Variants in GSE1 observed in about 807,000 individuals in gnomAD.
GSE1 encodes genetic suppressor element 1.
Under a neutral mutation model 112.6 loss-of-function variants are expected in GSE1, and 32 were observed. That is an observed-to-expected ratio of 0.28 (90% CI 0.21 to 0.38). The LOEUF (loss-of-function observed/expected upper bound fraction) is 0.38, where lower values mean the gene tolerates loss of function less well. Among genes scored for constraint, GSE1 ranks in the 10% least tolerant of loss-of-function variants. GSE1 has a pLI of 1.00. For missense variants in GSE1, 2,348 were observed against 1,699.2 expected (o/e 1.38, Z -6.71); for synonymous variants, 1,115 against 735.6 (o/e 1.52, Z -8.35).
At chr16:85,331,703 ATATATTTTTTTT>A (rs1309959847) in intron 1 of GSE1, among the ~76,000 whole-genome samples, 1 of 40,620 alleles carries the variant, frequency 2.5e-5, no homozygotes, top group African/African-American at 7.8e-5. Flanking sequence ...ATATATATAT[ATATATTTTTTTT>A]TTTTTTTTTT....
Position 85,675,275 on chromosome 16 carries a change from C to G in GSE1, c.*2736C>G, listed in dbSNP as rs1386069445. 1 of 152,156 alleles carries G rather than the reference C, an allele frequency of 6.6e-6. No homozygotes were observed. The highest frequency in any genetic ancestry group is 1.5e-5 in the Non-Finnish European group (1 of 68,018). The allele number at this position is 152,156 out of a possible 1,614,324, so 9.4% of individuals were successfully genotyped here. A position where few individuals can be genotyped will look rare whatever the true frequency, so the allele number is the denominator to read the frequency against. On this transcript the variant is annotated 3_prime_UTR_variant, in exon 16 of 16. Transcript: ENST00000253458. ...TCGGCTCGGTCCTTAGACCATCTTCCTACATTACCTGGAAGGGAGCTGCCA... is the reference window on the plus strand; with the variant it reads ...TCGGCTCGGTCCTTAGACCATCTTCGTACATTACCTGGAAGGGAGCTGCCA...
intron 1 of GSE1, among the ~76,000 whole-genome samples, chr16:85,204,098 A>T (rs1429949278): frequency 6.6e-6 from 1 of 152,162 alleles, no homozygotes; most frequent in African/African-American, 2.4e-5. Flanking sequence ...CCCCTAAAGG[A>T]TACCCATACC....
chr16:85,589,745 CTG>C (rs1294351860), intron 1 of GSE1, among the ~76,000 whole-genome samples: 1 of 151,650 alleles, frequency 6.6e-6, no homozygotes. Flanking sequence ...ATGTGGATGA[CTG>C]AACATGTGTG....
At chr16:85,251,266 C>G (rs144210839) in intron 1 of GSE1, among the ~76,000 whole-genome samples, 39 of 152,260 alleles carry the variant, frequency 2.6e-4, no homozygotes, top group African/African-American at 8.4e-4. Flanking sequence ...CTTTGTCCTC[C>G]CACGGATGCC....
At chr16:85,572,014 C>T (rs565683704) in intron 1 of GSE1, among the ~76,000 whole-genome samples, 35 of 151,930 alleles carry the variant, frequency 2.3e-4, no homozygotes, top group African/African-American at 7.3e-4. Context: ...GTGATGCATA[C>T]GTAGAACACA....
intron 1 of GSE1, among the ~76,000 whole-genome samples, chr16:85,205,555 C>CT (rs905788550): frequency 9.2e-5 from 14 of 151,866 alleles, no homozygotes; most frequent in South Asian, 6.2e-4. Context: ...CACTGCCTTA[C>CT]TTTTTTTTTC....
chr16:85,415,749 C>G (rs941733449), intron 2 of GSE1, among the ~76,000 whole-genome samples: 1 of 152,212 alleles, frequency 6.6e-6, no homozygotes, highest in Non-Finnish European at 1.5e-5. Context: ...TTCCCCCTGT[C>G]CTGGAGGTGC....
At chr16:85,626,781 C>A (rs939015309) in intron 1 of GSE1, among the ~76,000 whole-genome samples, 1 of 152,068 alleles carries the variant, frequency 6.6e-6, no homozygotes, top group Non-Finnish European at 1.5e-5. Context: ...CGCGGGAGGC[C>A]GGGAGGGCGG....
At chr16:85,420,523 G>T (rs2048813675) in intron 2 of GSE1, among the ~76,000 whole-genome samples, 1 of 152,146 alleles carries the variant, frequency 6.6e-6, no homozygotes, top group East Asian at 1.9e-4. Flanking sequence ...GCCAAGGGGG[G>T]TGGCACCATT....
intron 2 of GSE1, among the ~76,000 whole-genome samples, chr16:85,422,500 G>A (rs1417054970): frequency 1.3e-5 from 2 of 152,120 alleles, no homozygotes; most frequent in Non-Finnish European, 2.9e-5. Context: ...GAAGGGAGGA[G>A]GAGGAGGAGC....
At chr16:85,324,073 G>A (rs934050097) in intron 1 of GSE1, among the ~76,000 whole-genome samples, 2 of 152,264 alleles carry the variant, frequency 1.3e-5, no homozygotes, top group African/African-American at 2.4e-5. Context: ...TGGCGAGGAC[G>A]TGGAGAAGTT....
intron 1 of GSE1, among the ~76,000 whole-genome samples, chr16:85,276,818 C>T (rs778624048): frequency 6.6e-6 from 1 of 152,190 alleles, no homozygotes; most frequent in Non-Finnish European, 1.5e-5. Context: ...ACCCAGGCCC[C>T]CTGACTCAGG....
chr16:85,333,176 G>C (rs1207337097), intron 1 of GSE1, among the ~76,000 whole-genome samples: 1 of 152,144 alleles, frequency 6.6e-6, no homozygotes, highest in Non-Finnish European at 1.5e-5. Context: ...AGCGTCTGTA[G>C]GGCTCATACC....
chr16:85,345,671 G>T (rs1033325883), intron 1 of GSE1, among the ~76,000 whole-genome samples: 1 of 151,940 alleles, frequency 6.6e-6, no homozygotes, highest in Non-Finnish European at 1.5e-5. Flanking sequence ...TTGTCCTTAT[G>T]GCACTTCCTA....
chr16:85,342,360 G>T (rs959792020), intron 1 of GSE1, among the ~76,000 whole-genome samples: 1 of 152,210 alleles, frequency 6.6e-6, no homozygotes, highest in Admixed American at 6.5e-5. Context: ...CTTGGCAGGG[G>T]CTGGGGAAGA....
At chr16:85,390,819 G>A (rs2151644553) in intron 2 of GSE1, among the ~76,000 whole-genome samples, 1 of 151,874 alleles carries the variant, frequency 6.6e-6, no homozygotes, top group Admixed American at 6.6e-5. Context: ...AGGCAGAGCT[G>A]TCTCCTTAAG....
intron 1 of GSE1, among the ~76,000 whole-genome samples, chr16:85,220,045 G>A (rs1367507568): frequency 6.6e-6 from 1 of 152,228 alleles, no homozygotes; most frequent in Non-Finnish European, 1.5e-5. Context: ...GCCCAGACTT[G>A]GTGGCCTGTG....
At chr16:85,563,577 C>T (rs1294620795) in intron 1 of GSE1, among the ~76,000 whole-genome samples, 2 of 152,206 alleles carry the variant, frequency 1.3e-5, no homozygotes, top group African/African-American at 4.8e-5. Context: ...AGGGTGATCC[C>T]ACCCCATTCT....
At chr16:85,480,141 C>A (rs868546198) in intron 2 of GSE1, among the ~76,000 whole-genome samples, 1 of 152,216 alleles carries the variant, frequency 6.6e-6, no homozygotes, top group South Asian at 2.1e-4. Context: ...AACTGAGGCA[C>A]GGAGAGGTGA....
Sources: allele counts gnomAD v4.1 joint callset (sites outside exome capture counted in the v4.1 genomes callset), GRCh38; gene constraint gnomAD v4.1.1; transcripts MANE v1.5; gene names NCBI Gene and HGNC (gene_info 2026-07-23, HGNC 2026-07-21).